Variants in PARD3 observed in about 807,000 individuals in gnomAD.
PARD3 encodes the protein par-3 family cell polarity regulator.
A neutral mutation model predicts 155.4 loss-of-function variants in PARD3; 75 were observed. That is an observed-to-expected ratio of 0.48 (90% CI 0.40 to 0.58). The LOEUF (loss-of-function observed/expected upper bound fraction) is 0.58. PARD3 is among the 20% of genes least tolerant of loss of function. PARD3 has a pLI of 0.00. For missense variants in PARD3, 1,642 were observed against 1,721.7 expected (o/e 0.95, Z 0.82); for synonymous variants, 576 against 610.5 (o/e 0.94, Z 0.83).
chr10:34,729,949 C>T lies in PARD3; in HGVS notation c.121-33530G>A, dbSNP rs2094788243. On this transcript the variant is annotated intron_variant, in intron 1 of 24. Transcript: ENST00000374788. ...AACACATCCAACATCACCTCCCTCC[C>T]CTAGAAATCAGGGGCTTTCAACAAT... is the stretch of plus-strand genomic sequence containing the variant. Among the ~76,000 whole-genome samples, 3 of 152,130 alleles carry T rather than the reference C, an allele frequency of 2.0e-5. No individual in the cohort carries two copies. The South Asian group carries it at 6.2e-4, about 32-fold the overall frequency.
chr10:34,725,378 T>G (rs1483179340), intron 1 of PARD3, among the ~76,000 whole-genome samples: 1 of 152,212 alleles, frequency 6.6e-6, no homozygotes, highest in Non-Finnish European at 1.5e-5. Flanking sequence ...GGTCTTGAAC[T>G]CCTGGCCTCT....
chr10:34,550,303 C>T (rs1170144434), intron 2 of PARD3, among the ~76,000 whole-genome samples: 2 of 152,168 alleles, frequency 1.3e-5, no homozygotes, highest in South Asian at 2.1e-4. Flanking sequence ...CCTCAAAGTC[C>T]TGGATTCCAG....
chr10:34,354,031 A>G (rs1838501395), intron 14 of PARD3, among the ~76,000 whole-genome samples: 1 of 151,770 alleles, frequency 6.6e-6, no homozygotes, highest in Admixed American at 6.6e-5. Flanking sequence ...AGGAAAGCAA[A>G]GGAAATAAAA....
intron 19 of PARD3, among the ~76,000 whole-genome samples, chr10:34,325,198 TG>T (rs1157268920): frequency 6.6e-6 from 1 of 152,032 alleles, no homozygotes; most frequent in Non-Finnish European, 1.5e-5. Flanking sequence ...TTAGTAGAGA[TG>T]GGGTCTCGCC....
At chr10:34,702,293 C>T (rs1333070475) in intron 1 of PARD3, among the ~76,000 whole-genome samples, 1 of 151,976 alleles carries the variant, frequency 6.6e-6, no homozygotes, top group South Asian at 2.1e-4. Flanking sequence ...GAATTTCAGG[C>T]TGCAGTGAGC....
chr10:34,132,873 G>C (rs1382458191), intron 22 of PARD3, among the ~76,000 whole-genome samples: 1 of 152,074 alleles, frequency 6.6e-6, no homozygotes, highest in African/African-American at 2.4e-5. Context: ...CAAACAGAAG[G>C]GCAGAAGAGT....
intron 22 of PARD3, among the ~76,000 whole-genome samples, chr10:34,264,190 C>T (rs1483561061): frequency 1.3e-5 from 2 of 152,068 alleles, no homozygotes; most frequent in Non-Finnish European, 2.9e-5. Flanking sequence ...ACAAGATATC[C>T]AACACTTCAT....
At chr10:34,348,269 A>G (rs1252902803) in intron 14 of PARD3, among the ~76,000 whole-genome samples, 154 bp from the exon 15 acceptor site, 1 of 152,230 alleles carries the variant, frequency 6.6e-6, no homozygotes, top group African/African-American at 2.4e-5. Context: ...ATTTGTGATG[A>G]CAGCTCTGCC....
chr10:34,777,335 T>C (rs1207807108), intron 1 of PARD3, among the ~76,000 whole-genome samples: 1 of 152,172 alleles, frequency 6.6e-6, no homozygotes, highest in East Asian at 1.9e-4. Flanking sequence ...TCAATTTCCC[T>C]GGCTGGTCTC....
intron 22 of PARD3, among the ~76,000 whole-genome samples, chr10:34,224,237 A>G (rs1437871506): frequency 6.6e-6 from 1 of 152,240 alleles, no homozygotes; most frequent in Non-Finnish European, 1.5e-5. Flanking sequence ...ATCTGAATAC[A>G]TTGCTCAATG....
At chr10:34,342,148 T>C (rs1468978084) in intron 15 of PARD3, among the ~76,000 whole-genome samples, 2 of 152,208 alleles carry the variant, frequency 1.3e-5, no homozygotes, top group Non-Finnish European at 2.9e-5. Context: ...GAATGTCCTT[T>C]GAAAAATTAC....
intron 22 of PARD3, among the ~76,000 whole-genome samples, chr10:34,148,279 G>A (rs576767969): frequency 7.2e-5 from 11 of 152,254 alleles, no homozygotes; most frequent in Non-Finnish European, 1.6e-4. Flanking sequence ...TATTAGCCAC[G>A]TTTGCACAAG....
At chr10:34,327,146 C>A (rs866503260) in intron 19 of PARD3, among the ~76,000 whole-genome samples, 4 of 152,150 alleles carry the variant, frequency 2.6e-5, no homozygotes, top group African/African-American at 9.7e-5. Flanking sequence ...GAGGAGAAGT[C>A]GCTTGCTGAG....
Position 34,482,716 on chromosome 10 carries a change from TA to T in PARD3, c.404-12454del. Reference sequence around the variant, plus strand: ...TTTTTGTACTTTCAGAAACATACCTTAATGAGCAATGAGGAGATTGAAGCTG... The same window carrying T: ...TTTTTGTACTTTCAGAAACATACCTTATGAGCAATGAGGAGATTGAAGCTG... On this transcript the variant is annotated intron_variant, in intron 3 of 24. Transcript: ENST00000374788. 2.6e-5 allele frequency among the ~76,000 whole-genome samples: 4 copies of T among 152,136 alleles called. No homozygotes were observed. The Middle Eastern group carries it at 0.014, about 521-fold the overall frequency.
intron 3 of PARD3, among the ~76,000 whole-genome samples, chr10:34,487,439 A>G (rs1020260847): frequency 1.3e-5 from 2 of 152,104 alleles, no homozygotes; most frequent in South Asian, 2.1e-4. Context: ...CTTGAGATAC[A>G]GGACTTCCAT....
In PARD3 at chr10:34,470,147, A is replaced by G; in HGVS notation, c.520T>C (p.Ser174Pro). The change falls in exon 4 of 25, where the codon TCA becomes CCA. Residue 174 changes from serine to proline, a missense_variant. By Grantham distance (74) the Ser-to-Pro change is moderately conservative. This residue lies in a region of PARD3 where 1,529 missense variants were observed against 1,587.3 expected (regional missense o/e 0.96). Transcript: ENST00000374788. Reference protein sequence around the residue: ...EPSRKNPTRWSTTAGFLKQNT... With the variant: ...EPSRKNPTRWPTTAGFLKQNT... ...TGCTTGAGGAAGCCAGCTGTTGTTG[A>G]CCAGCGTGTGGGATTTTTCCTTGAA... 6.2e-7 allele frequency: 1 copy of G among 1,613,504 alleles called. No homozygotes were observed. The highest frequency in any genetic ancestry group is 8.5e-7 in the Non-Finnish European group (1 of 1,179,780).
chr10:34,421,267 C>T (rs968709949), intron 5 of PARD3, among the ~76,000 whole-genome samples: 1 of 151,484 alleles, frequency 6.6e-6, no homozygotes, highest in Non-Finnish European at 1.5e-5. Context: ...TAGTTATTAA[C>T]ATATATAAGT....
chr10:34,717,576 A>G (rs1025457412), intron 1 of PARD3, among the ~76,000 whole-genome samples: 4 of 152,168 alleles, frequency 2.6e-5, no homozygotes, highest in African/African-American at 9.7e-5. Flanking sequence ...GAGGTGCTGG[A>G]AACACCATAA....
chr10:34,373,510 A>G (rs560192504), intron 11 of PARD3, among the ~76,000 whole-genome samples: 3 of 151,886 alleles, frequency 2.0e-5, no homozygotes, highest in African/African-American at 2.4e-5. Flanking sequence ...TCGGCAAATC[A>G]CATGGAAAGC....
Sources: gnomAD v4.1 joint callset for allele counts (sites outside exome capture counted in the v4.1 genomes callset) on GRCh38, gnomAD v4.1.1 for gene constraint, gnomAD v4.1.1 regional missense constraint, MANE v1.5 for transcripts, NCBI Gene and HGNC (gene_info 2026-07-23, HGNC 2026-07-21) for gene names.